The following MYD88 variants were observed in gnomAD, a reference collection of about 807,000 sequenced individuals.
MYD88 encodes the protein myeloid differentiation primary response protein MyD88.
A neutral mutation model predicts 31.1 loss-of-function variants in MYD88; 15 were observed. The observed-to-expected ratio is 0.48, with a 90% confidence interval of 0.32 to 0.74. The LOEUF (loss-of-function observed/expected upper bound fraction) is 0.74. Ranked by LOEUF, MYD88 falls within the 30% of genes least tolerant of loss-of-function variation. The pLI is 0.03. For synonymous variants in MYD88, 157 were observed against 158.8 expected (o/e 0.99, Z 0.08); for missense variants, 308 against 387.4 (o/e 0.79, Z 1.72).
chr3:38,141,043 T>C lies in MYD88; in HGVS notation c.737-89T>C, dbSNP rs907933673. The stretch of plus-strand genomic sequence containing the variant: ...GTGCCAGGGGTACTTAGATGGGGGA[T>C]GGCTGTTGTTAACCCTGGGGTTGAA... On this transcript the variant is annotated intron_variant, in intron 4 of 4. Coordinates refer to ENST00000650905, the MANE Select transcript of MYD88 (RefSeq NM_002468.5). The C allele has an allele frequency of 3.2e-6, 5 of 1,569,324 alleles. No homozygotes were observed. The African/African-American group carries it at 5.4e-5, about 17-fold the overall frequency.
intron 2 of MYD88, 121 bp downstream of exon 2, chr3:38,140,119 CT>C: frequency 1.6e-6 from 2 of 1,271,612 alleles, no homozygotes; most frequent in East Asian, 4.9e-5. Context: ...CTTTCTGAGC[CT>C]CAGTTTCCTC....
Position 38,141,358 on chromosome 3 carries a change from T to A in MYD88, c.*72T>A. The A allele has an allele frequency of 6.3e-7, 1 of 1,582,654 alleles. No individual in the cohort carries two copies. The highest frequency in any genetic ancestry group is 1.7e-5 in the Admixed American group (1 of 59,978). On this transcript the variant is annotated 3_prime_UTR_variant, in exon 5 of 5. Transcript: ENST00000650905. ...ATGTACTTCTGCCCTGCCTCCTCCTTTCGTTGTAGGAGGAATCTGTGCTCT... is the reference window on the plus strand; with the variant it reads ...ATGTACTTCTGCCCTGCCTCCTCCTATCGTTGTAGGAGGAATCTGTGCTCT...
At position 38,139,028 on chromosome 3, in the gene MYD88, G is replaced by A; in HGVS notation, c.328G>A (p.Glu110Lys). Residue 110 changes from glutamate to lysine, a missense_variant and splice_region_variant, in exon 1 of 5, where the codon GAG (glutamate) becomes AAG (lysine). Coordinates refer to ENST00000650905, the MANE Select transcript of MYD88 (RefSeq NM_002468.5). This position sits in a 1 kb window ranked among gnomAD's most constrained non-coding sequence, Gnocchi z 4.7. ...GCTGCTGGAGCTGGGACCCAGCATT[G>A]GTGAGGACGTCCCCTTCCTGGCCTC... ...DVLLELGPSI[E>K]EDCQKYILKQ... 6.2e-7 allele frequency: 1 copy of A among 1,602,382 alleles called. No individual in the cohort carries two copies.
rs1194626389 is a variant in MYD88 at position 38,142,503 on chromosome 3, C to A, written c.*1217C>A. 1.7e-5 allele frequency: 4 copies of A among 233,170 alleles called. No homozygotes were observed. In the Admixed American group the frequency reaches 2.3e-4, roughly 13 times the overall value. 14.4% of individuals were successfully genotyped at this position (233,170 alleles called of 1,614,324 possible). On this transcript the variant is annotated 3_prime_UTR_variant, in exon 5 of 5. Coordinates refer to ENST00000650905, the MANE Select transcript of MYD88 (RefSeq NM_002468.5). ...CATTGAAACCAAACTCTGGAAAGGA[C>A]CCAATGTACCAGTATTTATACCTCT...
At chr3:38,141,023 A>G in intron 4 of MYD88, 109 bp from the exon 5 acceptor site, 1 of 1,497,242 alleles carries the variant, frequency 6.7e-7, no homozygotes, top group Non-Finnish European at 9.3e-7. Flanking sequence ...AATGTGTGCC[A>G]GGGGTACTTA....
Position 38,141,508 on chromosome 3 carries a change from C to T in MYD88, c.*222C>T, listed in dbSNP as rs971909471. 1 of 653,726 alleles carries T rather than the reference C, an allele frequency of 1.5e-6. No homozygotes were observed. Among genetic ancestry groups the T allele is most frequent in the Non-Finnish European group, 2.7e-6 (1 of 365,120 alleles). The allele number at this position is 653,726 out of a possible 1,614,324, so 40.5% of individuals were successfully genotyped here. A position where few individuals can be genotyped will look rare whatever the true frequency, so the allele number is the denominator to read the frequency against. On this transcript the variant is annotated 3_prime_UTR_variant, in exon 5 of 5. Transcript: ENST00000650905. ...GCATGTCCACTTGCTGGATTATCAG[C>T]CAGGACACTATAGAACAGGACCAGC... is the stretch of plus-strand genomic sequence containing the variant.
At position 38,142,379 on chromosome 3, in the gene MYD88, G is replaced by A. The variant is rs1701100798; in HGVS notation, c.*1093G>A. The stretch of plus-strand genomic sequence containing the variant: ...ACGTTTTTCTAGGTACAGCTCCCAG[G>A]AACAGCTAGGTGGGAAAGTCCCATC... On this transcript the variant is annotated 3_prime_UTR_variant, in exon 5 of 5. Coordinates refer to ENST00000650905, the MANE Select transcript of MYD88 (RefSeq NM_002468.5). 4.3e-6 allele frequency: 1 copy of A among 233,154 alleles called. No individual in the cohort carries two copies. Among genetic ancestry groups the A allele is most frequent in the Admixed American group, 5.6e-5 (1 of 17,776 alleles). 14.4% of individuals were successfully genotyped at this position (233,154 alleles called of 1,614,324 possible).
Position 38,139,809 on chromosome 3 carries a change from G to T in MYD88, c.329-55G>T. On this transcript the variant is annotated intron_variant, in intron 1 of 4. Transcript: ENST00000650905. This position sits in a 1 kb window ranked among gnomAD's most constrained non-coding sequence, Gnocchi z 4.7. The stretch of plus-strand genomic sequence containing the variant: ...GGACAGCGGCTGGATCCTGACTGTG[G>T]GTAAAGAGGTAGGCACTCCCAGGGA... The T allele has an allele frequency of 6.2e-7, 1 of 1,607,686 alleles. No individual in the cohort carries two copies. Among genetic ancestry groups the T allele is most frequent in the Non-Finnish European group, 8.5e-7 (1 of 1,178,748 alleles).
chr3:38,142,489 A>T lies in MYD88; in HGVS notation c.*1203A>T, dbSNP rs193089416. ...CTTGTGTCCCTACTCATTGAAACCAAACTCTGGAAAGGACCCAATGTACCA... is the reference window on the plus strand; with the variant it reads ...CTTGTGTCCCTACTCATTGAAACCATACTCTGGAAAGGACCCAATGTACCA... On this transcript the variant is annotated 3_prime_UTR_variant, in exon 5 of 5. Coordinates refer to ENST00000650905, the MANE Select transcript of MYD88 (RefSeq NM_002468.5). 1 of 233,302 alleles carries T rather than the reference A, an allele frequency of 4.3e-6. No homozygotes were observed. Among genetic ancestry groups the T allele is most frequent in the East Asian group, 6.0e-5 (1 of 16,598 alleles). 14.5% of individuals were successfully genotyped at this position (233,302 alleles called of 1,614,324 possible). A position where few individuals can be genotyped will look rare whatever the true frequency, so the allele number is the denominator to read the frequency against.
intron 3 of MYD88, 64 bp from the exon 4 acceptor site, chr3:38,140,693 T>C: frequency 1.3e-6 from 2 of 1,595,934 alleles, no homozygotes. Context: ...TTCCTGAAGC[T>C]ATTCCCAGGG....
Position 38,138,675 on chromosome 3 carries a change from G to T in MYD88, c.-26G>T, listed in dbSNP as rs1700983375. ...CGCTGGCAGACAATGCGACCCGACCGCGCTGAGGCTCCAGGACCGCCCGCC... is the reference window on the plus strand; with the variant it reads ...CGCTGGCAGACAATGCGACCCGACCTCGCTGAGGCTCCAGGACCGCCCGCC... On this transcript the variant is annotated 5_prime_UTR_variant, in exon 1 of 5. Coordinates refer to ENST00000650905, the MANE Select transcript of MYD88 (RefSeq NM_002468.5). The surrounding 1 kb of genome is among the most constrained non-coding windows in gnomAD (Gnocchi z 6.4). The T allele has an allele frequency of 1.3e-6, 2 of 1,567,182 alleles. No homozygotes were observed. Among genetic ancestry groups the T allele is most frequent in the African/African-American group, 1.4e-5 (1 of 73,822 alleles).
At chr3:38,140,912 A>G (rs2125779965) in intron 4 of MYD88, 64 bp downstream of exon 4, 1 of 1,517,200 alleles carries the variant, frequency 6.6e-7, no homozygotes, top group Non-Finnish European at 9.2e-7. Flanking sequence ...CTGGATTGTC[A>G]GCCTTCCCTC....
chr3:38,142,303 C>T lies in MYD88; in HGVS notation c.*1017C>T. On this transcript the variant is annotated 3_prime_UTR_variant, in exon 5 of 5. Transcript: ENST00000650905. ...ACATACAGACTCACATACAGACACA[C>T]ACATATATGTACAGACATGTACTCT... 1 of 233,334 alleles carries T rather than the reference C, an allele frequency of 4.3e-6. No homozygotes were observed. Among genetic ancestry groups the T allele is most frequent in the Non-Finnish European group, 8.5e-6 (1 of 118,082 alleles). 14.5% of individuals were successfully genotyped at this position (233,334 alleles called of 1,614,324 possible). A position where few individuals can be genotyped will look rare whatever the true frequency, so the allele number is the denominator to read the frequency against.
At position 38,139,712 on chromosome 3, in the gene MYD88, C is replaced by T; in HGVS notation, c.329-152C>T. 2 of 970,834 alleles carry T rather than the reference C, an allele frequency of 2.1e-6. No homozygotes were observed. Among genetic ancestry groups the T allele is most frequent in the South Asian group, 1.4e-5 (1 of 71,534 alleles). 60.1% of individuals were successfully genotyped at this position (970,834 alleles called of 1,614,324 possible). On this transcript the variant is annotated intron_variant, in intron 1 of 4. Transcript: ENST00000650905. This position sits in a 1 kb window ranked among gnomAD's most constrained non-coding sequence, Gnocchi z 4.7. ...TAGAGCCAGTGGGAGCTCAACTTCTCAGAGCCGTTGAGCTTCGCGTGGCAC... is the reference window on the plus strand; with the variant it reads ...TAGAGCCAGTGGGAGCTCAACTTCTTAGAGCCGTTGAGCTTCGCGTGGCAC...
At chr3:38,140,226 G>T (rs1231528370) in intron 2 of MYD88, 162 bp from the exon 3 acceptor site, 30 of 964,210 alleles carry the variant, frequency 3.1e-5, no homozygotes, top group Non-Finnish European at 4.6e-5. Context: ...CTTAGCCCCT[G>T]AGGTACTCAT....
Position 38,138,704 on chromosome 3 carries a change from G to A in MYD88, c.4G>A (p.Ala2Thr), listed in dbSNP as rs1167556183. Residue 2 changes from alanine (A) to threonine (T), a missense_variant, in exon 1 of 5, where the codon GCT becomes ACT. By Grantham distance (58) the Ala-to-Thr change is moderately conservative. Transcript: ENST00000650905. The surrounding 1 kb of genome is among the most constrained non-coding windows in gnomAD (Gnocchi z 6.4). ...TGAGGCTCCAGGACCGCCCGCCATG[G>A]CTGCAGGAGGTCCCGGCGCGGGGTC... Reference protein sequence around the residue: MAAGGPGAGSAA... With the variant: MTAGGPGAGSAA... 6.2e-7 allele frequency: 1 copy of A among 1,601,328 alleles called. No homozygotes were observed.
chr3:38,138,936 A>T lies in MYD88; in HGVS notation c.236A>T (p.Gln79Leu), dbSNP rs1428274898. 1 of 1,611,728 alleles carries T rather than the reference A, an allele frequency of 6.2e-7. No homozygotes were observed. The highest frequency in any genetic ancestry group is 8.5e-7 in the Non-Finnish European group (1 of 1,179,996). Residue 79 changes from glutamine to leucine, a missense_variant, in exon 1 of 5, where the codon CAG (glutamine) becomes CTG (leucine). Physicochemically the swap from Gln to Leu is moderately radical, Grantham distance 113. Transcript: ENST00000650905. This position sits in a 1 kb window ranked among gnomAD's most constrained non-coding sequence, Gnocchi z 6.4. The stretch of plus-strand genomic sequence containing the variant: ...ACTGGCAGGCTGCTGGACGCCTGGC[A>T]GGGACGCCCTGGCGCCTCTGTAGGC... ...DPTGRLLDAW[Q>L]GRPGASVGRL...
rs773489090 is a variant in MYD88, at chr3:38,140,854, C to T, written c.736+6C>T. On this transcript the variant is annotated splice_donor_region_variant and intron_variant, in intron 4 of 4. Transcript: ENST00000650905. ...TGCACTCAGCCTCTCTCCAGGTAAG[C>T]TCAACCCTGCTCTGGCAAGAGAATG... 4 of 1,612,302 alleles carry T rather than the reference C, an allele frequency of 2.5e-6. No individual in the cohort carries two copies. The highest frequency in any genetic ancestry group is 2.2e-5 in the South Asian group (2 of 91,058).
At position 38,141,521 on chromosome 3, in the gene MYD88, GA is replaced by G. The variant is rs2125781111; in HGVS notation, c.*237del. ...CTGGATTATCAGCCAGGACACTATAGAACAGGACCAGCTGAGACTAAGAAGG... is the reference window on the plus strand; with the variant it reads ...CTGGATTATCAGCCAGGACACTATAGACAGGACCAGCTGAGACTAAGAAGG... On this transcript the variant is annotated 3_prime_UTR_variant, in exon 5 of 5. Coordinates refer to ENST00000650905, the MANE Select transcript of MYD88 (RefSeq NM_002468.5). 1.6e-6 allele frequency: 1 copy of G among 617,690 alleles called. No individual in the cohort carries two copies. Among genetic ancestry groups the G allele is most frequent in the African/African-American group, 1.8e-5 (1 of 55,322 alleles). 38.3% of individuals were successfully genotyped at this position (617,690 alleles called of 1,614,324 possible).
Sources: gnomAD v4.1 joint callset for allele counts on GRCh38, gnomAD v4.1.1 for gene constraint, Gnocchi (gnomAD v3.1) non-coding constraint, MANE v1.5 for transcripts, NCBI Gene and HGNC (gene_info 2026-07-23, HGNC 2026-07-21) for gene names.